The following OSBPL9 variants were observed in gnomAD, a reference collection of about 807,000 sequenced individuals.
OSBPL9 encodes oxysterol binding protein like 9.
Under a neutral mutation model 106.6 loss-of-function variants are expected in OSBPL9, and 40 were observed. The observed-to-expected ratio is 0.38, with a 90% CI of 0.29 to 0.49. OSBPL9 has a LOEUF of 0.49. Ranked by LOEUF, OSBPL9 falls within the 20% of genes least tolerant of loss-of-function variation. The pLI, the probability that OSBPL9 is intolerant of heterozygous loss-of-function variation, is 0.97. For synonymous variants in OSBPL9, 269 were observed against 295.4 expected (o/e 0.91, Z 0.92); for missense variants, 609 against 887.2 (o/e 0.69, Z 3.98).
chr1:51,584,928 G>A (rs1458671023), intron 1 of OSBPL9, among the ~76,000 whole-genome samples: 1 of 152,046 alleles, frequency 6.6e-6, no homozygotes, highest in Non-Finnish European at 1.5e-5. Context: ...GTGGGCATTT[G>A]GGGTTAGATG....
At chr1:51,787,327 C>A (rs1314670319) in intron 22 of OSBPL9, 26 bp from the exon 23 acceptor site, 5 of 1,604,208 alleles carry the variant, frequency 3.1e-6, no homozygotes, top group African/African-American at 2.7e-5. Context: ...TCAACATTGG[C>A]AGCTCCTCTT....
chr1:51,609,748 A>ATT (rs778782937), intron 2 of OSBPL9, among the ~76,000 whole-genome samples: 86 of 119,378 alleles, frequency 7.2e-4, no homozygotes, highest in African/African-American at 2.5e-3. Flanking sequence ...CTGAATGTCT[A>ATT]TTTTTTTTTT....
the OSBPL9 span, among the ~76,000 whole-genome samples, chr1:51,546,589 C>T: frequency 6.6e-6 from 1 of 151,480 alleles, no homozygotes. Context: ...CCCAGCTACT[C>T]AGGAGGCTGA....
the OSBPL9 span, among the ~76,000 whole-genome samples, chr1:51,570,086 C>T: frequency 6.6e-6 from 1 of 152,182 alleles, no homozygotes; most frequent in Non-Finnish European, 1.5e-5. Flanking sequence ...TGTTCTACAA[C>T]TTTACAAAAC....
intron 4 of OSBPL9, among the ~76,000 whole-genome samples, chr1:51,730,350 C>T (rs755533602): frequency 3.3e-5 from 5 of 152,208 alleles, no homozygotes; most frequent in Non-Finnish European, 7.3e-5. Flanking sequence ...AAAAGTTAAG[C>T]TTTCTCTTAT....
intron 14 of OSBPL9, among the ~76,000 whole-genome samples, chr1:51,773,543 C>T (rs116007121): frequency 0.013 from 1,975 of 152,204 alleles, 17 homozygotes; most frequent in Middle Eastern, 0.02. Context: ...GATTTTAAAA[C>T]CTGTAATCTT....
chr1:51,521,291 A>G, the OSBPL9 span, among the ~76,000 whole-genome samples: 12 of 152,240 alleles, frequency 7.9e-5, no homozygotes, highest in African/African-American at 2.9e-4. Flanking sequence ...TACACAAATT[A>G]TGAAATCTGA....
At chr1:51,765,601 T>C in intron 11 of OSBPL9, 2 of 369,900 alleles carry the variant, frequency 5.4e-6, no homozygotes, top group Non-Finnish European at 9.7e-6. Context: ...AGGACATAGC[T>C]TTTTGTTTCA....
chr1:51,552,813 T>C, the OSBPL9 span, among the ~76,000 whole-genome samples: 7 of 151,816 alleles, frequency 4.6e-5, no homozygotes, highest in African/African-American at 1.7e-4. Flanking sequence ...TTAGTAGAGG[T>C]GGGGTTTCAC....
At chr1:51,768,953 A>G (rs983741897) in intron 12 of OSBPL9, among the ~76,000 whole-genome samples, 1 of 152,136 alleles carries the variant, frequency 6.6e-6, no homozygotes. Flanking sequence ...CCTTGTTTGT[A>G]TATTCTAATC....
At position 51,580,824 on chromosome 1, in the gene OSBPL9, T is replaced by C. The variant is rs1279564178; in HGVS notation, c.-423+3568T>C. On this transcript the variant is annotated intron_variant, in intron 1 of 25. Coordinates refer to the OSBPL9 transcript ENST00000371714. ...AAGAAGCAAATAGGCAGTAAAAACATCCATGATACCTACCGCTCAGAGATG... is the reference window on the plus strand; with the variant it reads ...AAGAAGCAAATAGGCAGTAAAAACACCCATGATACCTACCGCTCAGAGATG... Among the ~76,000 whole-genome samples the C allele has an allele frequency of 2.1e-5, 3 of 140,380 alleles. No homozygotes were observed. In the East Asian group the frequency reaches 6.4e-4, roughly 30 times the overall value. The allele number at this position is 140,380 out of a possible 152,430, so 92.1% of individuals were successfully genotyped here.
At chr1:51,638,617 C>G (rs1457804121) in intron 1 of OSBPL9, among the ~76,000 whole-genome samples, 1 of 151,896 alleles carries the variant, frequency 6.6e-6, no homozygotes, top group East Asian at 1.9e-4. Context: ...TACCTGTAAT[C>G]CTATCACTTT....
At position 51,669,475 on chromosome 1, in the gene OSBPL9, C is replaced by T. The variant is rs1649335793; in HGVS notation, c.204C>T (p.Phe68=). 1.2e-6 allele frequency: 2 copies of T among 1,614,116 alleles called. No homozygotes were observed. Among genetic ancestry groups the T allele is most frequent in the East Asian group, 4.5e-5 (2 of 44,852 alleles). ...TAGACGATGAGGACGACAGCACCTT[C>T]ACAATAACTGTTGATCAGAAAACCT... ...IGIDDEDDST[F]TITVDQKTFH... is the part of the protein sequence containing the mutation. Residue 68 remains phenylalanine (F), a synonymous_variant, in exon 3 of 24, where the codon TTC becomes TTT. Coordinates refer to ENST00000428468, the MANE Select transcript of OSBPL9 (RefSeq NM_024586.6).
At chr1:51,704,541 A>G (rs1658014269) in intron 3 of OSBPL9, among the ~76,000 whole-genome samples, 2 of 152,226 alleles carry the variant, frequency 1.3e-5, no homozygotes, top group African/African-American at 2.4e-5. Context: ...AAATTACCAT[A>G]GATTACGTAG....
At chr1:51,538,015 G>T in the OSBPL9 span, among the ~76,000 whole-genome samples, 2 of 151,944 alleles carry the variant, frequency 1.3e-5, no homozygotes, top group African/African-American at 4.8e-5. Context: ...TATAGGCTGG[G>T]CATGGTGGCT....
intron 1 of OSBPL9, among the ~76,000 whole-genome samples, chr1:51,594,448 G>A (rs952638144): frequency 6.6e-6 from 1 of 151,826 alleles, no homozygotes; most frequent in African/African-American, 2.4e-5. Flanking sequence ...AGAAAAAAAA[G>A]AAACAGAAAA....
chr1:51,775,130 G>A (rs1674760731), intron 14 of OSBPL9, among the ~76,000 whole-genome samples: 1 of 152,024 alleles, frequency 6.6e-6, no homozygotes, highest in Non-Finnish European at 1.5e-5. Flanking sequence ...ACCCTATTTG[G>A]ATTATGAATT....
At chr1:51,588,790 C>A (rs918286128) in intron 1 of OSBPL9, among the ~76,000 whole-genome samples, 1 of 152,192 alleles carries the variant, frequency 6.6e-6, no homozygotes, top group Non-Finnish European at 1.5e-5. Context: ...GCATTTGGAT[C>A]TCTGAAAAGG....
At chr1:51,687,595 G>A (rs1233385337) in intron 3 of OSBPL9, among the ~76,000 whole-genome samples, 1 of 152,216 alleles carries the variant, frequency 6.6e-6, no homozygotes, top group African/African-American at 2.4e-5. Context: ...GCAACCTGCA[G>A]AGAAAGGGGC....
Sources: gnomAD v4.1 joint callset for allele counts (sites outside exome capture counted in the v4.1 genomes callset) on GRCh38, gnomAD v4.1.1 for gene constraint, MANE v1.5 for transcripts, NCBI Gene and HGNC (gene_info 2026-07-23, HGNC 2026-07-21) for gene names.